Variants in PGGT1B observed in about 807,000 individuals in gnomAD.
PGGT1B encodes the protein geranylgeranyl transferase type-1 subunit beta.
PGGT1B carries 30 observed loss-of-function variants against 46.1 expected under a neutral mutation model. The observed-to-expected ratio is 0.65, with a 90% CI of 0.49 to 0.88. The LOEUF is 0.88. PGGT1B is among the 40% of genes least tolerant of loss of function. The probability of loss-of-function intolerance (pLI) is 0.00; values close to 1 mark genes in which losing one functional copy is unlikely to be tolerated. For synonymous variants in PGGT1B, 170 were observed against 160.0 expected (o/e 1.06, Z -0.47); for missense variants, 376 against 455.9 (o/e 0.82, Z 1.60).
Position 115,262,781 on chromosome 5 carries a change from C to A in PGGT1B, c.71G>T (p.Arg24Leu). 2 of 1,613,454 alleles carry A rather than the reference C, an allele frequency of 1.2e-6. No homozygotes were observed. The highest frequency in any genetic ancestry group is 1.1e-5 in the South Asian group (1 of 91,022). The change falls in exon 1 of 9, where the codon CGG becomes CTG. Residue 24 changes from arginine (R) to leucine (L), a missense_variant. Around this residue, in one of 2 missense-constraint regions of PGGT1B, gnomAD observed 154 missense variants for 142.3 expected, o/e 1.08. Coordinates refer to ENST00000419445, the MANE Select transcript of PGGT1B (RefSeq NM_005023.4). ...EGERLDFLRDRHVRFFQRCLQ... is the reference protein window; with the variant it reads ...EGERLDFLRDLHVRFFQRCLQ... The stretch of plus-strand genomic sequence containing the variant: ...GCAGCGCTGGAAAAATCGCACGTGC[C>A]GATCCCGTAAGAAATCCAGCCGCTC...
chr5:115,236,570 A>G (rs997348125), intron 4 of PGGT1B, 48 bp from the exon 5 acceptor site: 2 of 1,332,006 alleles, frequency 1.5e-6, no homozygotes, highest in Non-Finnish European at 2.0e-6. Flanking sequence ...CTGGACTCTG[A>G]TTTTTTTGCA....
chr5:115,216,303 C>A (rs531649007), intron 8 of PGGT1B, among the ~76,000 whole-genome samples: 1 of 152,170 alleles, frequency 6.6e-6, no homozygotes, highest in Admixed American at 6.5e-5. Context: ...CCACACCTGG[C>A]TGATTTTTGT....
At chr5:115,229,792 C>A (rs1319283879) in intron 6 of PGGT1B, among the ~76,000 whole-genome samples, 2 of 152,032 alleles carry the variant, frequency 1.3e-5, no homozygotes, top group African/African-American at 4.8e-5. Context: ...TGACTAGTAA[C>A]ATAATTGTTA....
chr5:115,254,925 C>T (rs1256321358), intron 1 of PGGT1B, among the ~76,000 whole-genome samples: 3 of 152,086 alleles, frequency 2.0e-5, no homozygotes, highest in African/African-American at 7.2e-5. Context: ...ATATTAAGGG[C>T]AGTGGAACTC....
At chr5:115,235,019 C>A (rs1757133148) in intron 5 of PGGT1B, among the ~76,000 whole-genome samples, 1 of 151,824 alleles carries the variant, frequency 6.6e-6, no homozygotes, top group South Asian at 2.1e-4. Flanking sequence ...ACAAGAATAA[C>A]CAAGGCTCCT....
intron 3 of PGGT1B, among the ~76,000 whole-genome samples, chr5:115,238,291 A>ATTT (rs35711954): frequency 0.023 from 1,057 of 46,926 alleles, 235 homozygotes; most frequent in East Asian, 0.054. Context: ...ATTTTTTTGG[A>ATTT]TTTTTTTTTT....
At chr5:115,256,841 T>C (rs1181955770) in intron 1 of PGGT1B, among the ~76,000 whole-genome samples, 1 of 152,180 alleles carries the variant, frequency 6.6e-6, no homozygotes, top group Non-Finnish European at 1.5e-5. Flanking sequence ...GCAACCTGAC[T>C]CAGCACAGGT....
Position 115,212,374 on chromosome 5 carries a change from T to TGGCC in PGGT1B, c.*27_*28insGGCC. 3 of 1,554,714 alleles carry TGGCC rather than the reference T, an allele frequency of 1.9e-6. No homozygotes were observed. The highest frequency in any genetic ancestry group is 1.8e-6 in the Non-Finnish European group (2 of 1,131,894). Reference sequence around the variant, plus strand: ...ACTTGAGCTACAGTTATGCTACAAATCCCCCCACCCTCCCAATCTAAAATC... The same window carrying TGGCC: ...ACTTGAGCTACAGTTATGCTACAAATGGCCCCCCCCACCCTCCCAATCTAAAATC... On this transcript the variant is annotated 3_prime_UTR_variant, in exon 9 of 9. Transcript: ENST00000419445.
chr5:115,230,932 G>C (rs373918707), intron 6 of PGGT1B, 44 bp downstream of exon 6: 1 of 1,241,968 alleles, frequency 8.1e-7, no homozygotes, highest in Non-Finnish European at 1.2e-6. Flanking sequence ...TGTTGTCTAA[G>C]GGAACAAAAG....
chr5:115,259,918 G>A (rs1748483604), intron 1 of PGGT1B, among the ~76,000 whole-genome samples: 1 of 152,060 alleles, frequency 6.6e-6, no homozygotes, highest in Admixed American at 6.5e-5. Flanking sequence ...TCACTACTTT[G>A]TTCCTTAATA....
chr5:115,243,572 G>T (rs757105611), intron 2 of PGGT1B, among the ~76,000 whole-genome samples: 11 of 152,174 alleles, frequency 7.2e-5, no homozygotes, highest in Non-Finnish European at 1.2e-4. Context: ...TTTGTTCTCT[G>T]TATTAGTCAC....
chr5:115,252,740 A>C (rs1388228572), intron 2 of PGGT1B: 1 of 156,280 alleles, frequency 6.4e-6, no homozygotes, highest in Non-Finnish European at 1.4e-5. Context: ...TAATCAGGAA[A>C]CTGAAAGAAA....
At chr5:115,241,979 C>T (rs1240875643) in intron 2 of PGGT1B, among the ~76,000 whole-genome samples, 5 of 152,112 alleles carry the variant, frequency 3.3e-5, no homozygotes, top group East Asian at 1.9e-4. Flanking sequence ...TTCAAGGTAA[C>T]GGTTAATAAC....
rs571310237 is a variant in PGGT1B, at chr5:115,262,477, G to A, written c.140+235C>T. ...CAGCTCAGAGTTGCCAGAAGAAAAGGGAAGTGAAAAAGCCGGAAACTGGAG... is the reference window on the plus strand; with the variant it reads ...CAGCTCAGAGTTGCCAGAAGAAAAGAGAAGTGAAAAAGCCGGAAACTGGAG... On this transcript the variant is annotated intron_variant, in intron 1 of 8. Transcript: ENST00000419445. 11 of 523,120 alleles carry A rather than the reference G, an allele frequency of 2.1e-5. No individual in the cohort carries two copies. In the South Asian group the frequency reaches 2.8e-4, roughly 13 times the overall value. 32.4% of individuals were successfully genotyped at this position (523,120 alleles called of 1,614,324 possible).
At chr5:115,217,059 A>AAGG in intron 7 of PGGT1B, 86 bp from the exon 8 acceptor site, 2 of 687,252 alleles carry the variant, frequency 2.9e-6, no homozygotes, top group South Asian at 3.4e-5. Context: ...TCATTTAGAT[A>AAGG]TGCTTTTCTT....
In PGGT1B at chr5:115,234,433, A is replaced by G. The variant is rs560533493; in HGVS notation, c.612+1957T>C. Among the ~76,000 whole-genome samples the G allele has an allele frequency of 6.6e-5, 10 of 152,082 alleles. No individual in the cohort carries two copies. The East Asian group carries it at 1.9e-3, about 29-fold the overall frequency. Reference sequence around the variant, plus strand: ...GGCAAGGAGTCACACTTCTCTGTATATATCTTTTTGTATAGTTCTGACCTT... The same window carrying G: ...GGCAAGGAGTCACACTTCTCTGTATGTATCTTTTTGTATAGTTCTGACCTT... On this transcript the variant is annotated intron_variant, in intron 5 of 8. Coordinates refer to ENST00000419445, the MANE Select transcript of PGGT1B (RefSeq NM_005023.4).
chr5:115,262,731 A>G lies in PGGT1B; in HGVS notation c.121T>C (p.Ser41Pro). The G allele has an allele frequency of 1.2e-6, 2 of 1,611,422 alleles. No individual in the cohort carries two copies. Among genetic ancestry groups the G allele is most frequent in the Non-Finnish European group, 1.7e-6 (2 of 1,178,740 alleles). The change falls in exon 1 of 9, where the codon TCT becomes CCT. Residue 41 changes from serine (S) to proline (P), a missense_variant. Physicochemically the swap from Ser to Pro is moderately conservative, Grantham distance 74. Transcript: ENST00000419445. ...RCLQVLPERY[S>P]SLETSRLTIA... ...AGTTACCTGCTTGTCTCGAGTGAAG[A>G]ATAGCGCTCCGGCAAAACCTGGAGG...
chr5:115,225,008 T>A (rs1756723208), intron 6 of PGGT1B, among the ~76,000 whole-genome samples: 5 of 152,120 alleles, frequency 3.3e-5, no homozygotes, highest in Admixed American at 3.3e-4. Flanking sequence ...AGATCAATGA[T>A]GTGTACACAC....
intron 1 of PGGT1B, 110 bp downstream of exon 1, chr5:115,262,601 TG>T: frequency 8.0e-7 from 1 of 1,250,608 alleles, no homozygotes; most frequent in Non-Finnish European, 1.1e-6. Context: ...CAGTGCCAAC[TG>T]GGCGGCCGCG....
Sources: allele counts gnomAD v4.1 joint callset (sites outside exome capture counted in the v4.1 genomes callset), GRCh38; gene constraint gnomAD v4.1.1; regional missense constraint gnomAD v4.1.1; transcripts MANE v1.5; gene names NCBI Gene and HGNC (gene_info 2026-07-23, HGNC 2026-07-21).